Variants in CADM2 observed in about 807,000 individuals in gnomAD.
The protein encoded by CADM2 is cell adhesion molecule 2.
Under a neutral mutation model 49.8 loss-of-function variants are expected in CADM2, and 12 were observed. The ratio of observed to expected loss-of-function variants is 0.24; its 90% CI spans 0.15 to 0.39. CADM2 has a LOEUF of 0.39. Among genes scored for constraint, CADM2 ranks in the 10% least tolerant of loss-of-function variants. The probability of loss-of-function intolerance (pLI) is 1.00; values close to 1 mark genes in which losing one functional copy is unlikely to be tolerated. For missense variants in CADM2, 378 were observed against 492.3 expected (o/e 0.77, Z 2.20); for synonymous variants, 214 against 175.4 (o/e 1.22, Z -1.74).
chr3:85,912,312 TA>T (rs2108481342), intron 5 of CADM2, 60 bp from the exon 6 acceptor site: 1 of 1,268,330 alleles, frequency 7.9e-7, no homozygotes, highest in South Asian at 1.5e-5. Flanking sequence ...TTATCTTGAG[TA>T]AATGCAATCT....
chr3:85,969,413 A>G (rs967178045), intron 8 of CADM2, among the ~76,000 whole-genome samples: 2 of 151,432 alleles, frequency 1.3e-5, no homozygotes, highest in African/African-American at 4.8e-5. Context: ...AAGATGCACA[A>G]GAAATGCTGC....
At chr3:85,448,043 G>A (rs1221256599) in intron 1 of CADM2, among the ~76,000 whole-genome samples, 2 of 152,040 alleles carry the variant, frequency 1.3e-5, no homozygotes, top group African/African-American at 4.8e-5. Context: ...CAAAATCCTA[G>A]CAAATAGGCC....
intron 1 of CADM2, among the ~76,000 whole-genome samples, chr3:85,311,297 A>T (rs1451279971): frequency 6.6e-6 from 1 of 151,868 alleles, no homozygotes; most frequent in Non-Finnish European, 1.5e-5. Context: ...AAAAACTGAA[A>T]TAATAAACAT....
chr3:85,365,218 T>A (rs113505568), intron 1 of CADM2, among the ~76,000 whole-genome samples: 3 of 145,418 alleles, frequency 2.1e-5, no homozygotes, highest in Non-Finnish European at 4.5e-5. Flanking sequence ...TTTTTTTAGA[T>A]AATTCCCTGT....
intron 1 of CADM2, among the ~76,000 whole-genome samples, chr3:85,560,764 G>T (rs773430845): frequency 1.3e-5 from 2 of 152,292 alleles, no homozygotes; most frequent in Non-Finnish European, 2.9e-5. Flanking sequence ...ACAATTGTAA[G>T]TAAATAGGGT....
At chr3:85,701,904 G>T (rs1577117729) in intron 1 of CADM2, among the ~76,000 whole-genome samples, 1 of 124,568 alleles carries the variant, frequency 8.0e-6, no homozygotes. Context: ...TAGATAGATA[G>T]ATAGATATAA....
rs150110943 is a variant in CADM2 at position 86,049,604 on chromosome 3, A to T, written c.971-16001A>T. On this transcript the variant is annotated intron_variant, in intron 8 of 9. Coordinates refer to ENST00000383699, the MANE Select transcript of CADM2 (RefSeq NM_001167675.2). ...ACGAAAAGAGGTTTAGTTGGCTCACAGTTCCATGGGCTGTACGAGAAATGC... is the reference window on the plus strand; with the variant it reads ...ACGAAAAGAGGTTTAGTTGGCTCACTGTTCCATGGGCTGTACGAGAAATGC... 2.5e-3 allele frequency among the ~76,000 whole-genome samples: 384 copies of T among 152,210 alleles called. 1 individual carries two copies. Among genetic ancestry groups the T allele is most frequent in the African/African-American group, 9.0e-3 (372 of 41,538 alleles).
At chr3:85,568,748 G>A (rs895915063) in intron 1 of CADM2, among the ~76,000 whole-genome samples, 3 of 145,966 alleles carry the variant, frequency 2.1e-5, no homozygotes, top group Non-Finnish European at 4.5e-5. Context: ...GATTACAGGC[G>A]TGAGCCACCA....
chr3:85,336,969 A>ATTT (rs1349465290), intron 1 of CADM2, among the ~76,000 whole-genome samples: 11 of 16,502 alleles, frequency 6.7e-4, no homozygotes, highest in African/African-American at 7.9e-4. Context: ...TATATATTAA[A>ATTT]TATATATTTA....
intron 2 of CADM2, among the ~76,000 whole-genome samples, chr3:85,762,391 T>G (rs2069434246): frequency 1.3e-5 from 2 of 152,134 alleles, no homozygotes; most frequent in African/African-American, 4.8e-5. Context: ...GAATCAACAT[T>G]AATTTCACAA....
At chr3:85,984,442 C>A (rs1424266935) in intron 8 of CADM2, among the ~76,000 whole-genome samples, 1 of 151,478 alleles carries the variant, frequency 6.6e-6, no homozygotes, top group East Asian at 1.9e-4. Flanking sequence ...ATGATGTTAA[C>A]TTATTTCAAA....
At chr3:85,060,401 A>G (rs2036261605) in intron 1 of CADM2, among the ~76,000 whole-genome samples, 3 of 152,166 alleles carry the variant, frequency 2.0e-5, no homozygotes, top group Admixed American at 2.0e-4. Flanking sequence ...TGCTGGGATT[A>G]CAGGTGTGAG....
chr3:86,064,785 C>A (rs1739116773), intron 8 of CADM2, among the ~76,000 whole-genome samples: 1 of 152,150 alleles, frequency 6.6e-6, no homozygotes, highest in African/African-American at 2.4e-5. Context: ...CTTTTCTGGG[C>A]TGATTTCTTG....
chr3:84,999,707 T>C (rs2033359292), intron 1 of CADM2, among the ~76,000 whole-genome samples: 1 of 152,182 alleles, frequency 6.6e-6, no homozygotes, highest in Non-Finnish European at 1.5e-5. Context: ...GCTCTGCACA[T>C]GTCGGCAAAT....
chr3:85,603,106 C>A (rs1041696444), intron 1 of CADM2, among the ~76,000 whole-genome samples: 1 of 151,710 alleles, frequency 6.6e-6, no homozygotes, highest in Non-Finnish European at 1.5e-5. Flanking sequence ...TTCTTAATGT[C>A]AAGAACAGCA....
At chr3:85,526,248 T>A (rs2061156516) in intron 1 of CADM2, among the ~76,000 whole-genome samples, 1 of 152,144 alleles carries the variant, frequency 6.6e-6, no homozygotes, top group Non-Finnish European at 1.5e-5. Flanking sequence ...ATTTCATATA[T>A]TTTGTTTGTT....
At chr3:85,977,135 A>T (rs145053443) in intron 8 of CADM2, among the ~76,000 whole-genome samples, 2,378 of 151,168 alleles carry the variant, frequency 0.016, 23 homozygotes, top group Non-Finnish European at 0.024. Context: ...TAATAATAAT[A>T]ATTATTATTA....
chr3:85,571,723 A>G (rs1003570132), intron 1 of CADM2, among the ~76,000 whole-genome samples: 1 of 152,118 alleles, frequency 6.6e-6, no homozygotes, highest in Non-Finnish European at 1.5e-5. Context: ...TGTAACTTTT[A>G]TATCTAGTTG....
chr3:85,853,745 C>A (rs1466849316), intron 3 of CADM2, among the ~76,000 whole-genome samples: 2 of 150,778 alleles, frequency 1.3e-5, no homozygotes, highest in Admixed American at 1.3e-4. Flanking sequence ...TTATTTAGAT[C>A]TCTTTAATAG....
Sources: gnomAD v4.1 joint callset for allele counts (sites outside exome capture counted in the v4.1 genomes callset) on GRCh38, gnomAD v4.1.1 for gene constraint, MANE v1.5 for transcripts, NCBI Gene and HGNC (gene_info 2026-07-23, HGNC 2026-07-21) for gene names.